Variants in CCDC14 observed in about 807,000 individuals in gnomAD.
CCDC14 encodes the protein coiled-coil domain containing 14.
A neutral mutation model predicts 81.4 loss-of-function variants in CCDC14; 71 were observed. That is an observed-to-expected ratio of 0.87 (90% CI 0.72 to 1.06). The LOEUF is 1.06. Ranked by LOEUF, CCDC14 falls within the 50% of genes least tolerant of loss-of-function variation. CCDC14 has a pLI of 0.00. For missense variants in CCDC14, 1,046 were observed against 1,047.3 expected (o/e 1.00, Z 0.02); for synonymous variants, 332 against 364.8 (o/e 0.91, Z 1.03).
At chr3:123,934,912 T>C (rs2035973119) in intron 9 of CCDC14, among the ~76,000 whole-genome samples, 1 of 152,312 alleles carries the variant, frequency 6.6e-6, no homozygotes, top group African/African-American at 2.4e-5. Flanking sequence ...CTACATAATC[T>C]TGAAGTCGGG....
At chr3:123,925,406 T>A (rs1221883623) in intron 12 of CCDC14, among the ~76,000 whole-genome samples, 1 of 151,970 alleles carries the variant, frequency 6.6e-6, no homozygotes, top group East Asian at 1.9e-4. Flanking sequence ...ATAGAAGGAA[T>A]AAGTTTGTGG....
At chr3:123,948,632 C>G in intron 7 of CCDC14, 59 bp downstream of exon 7, 2 of 1,188,606 alleles carry the variant, frequency 1.7e-6, no homozygotes, top group Non-Finnish European at 2.4e-6. Context: ...TTCAACAGTC[C>G]CTCCTGAATG....
At chr3:123,947,349 A>C in intron 7 of CCDC14, 30 bp from the exon 8 acceptor site, 1 of 1,543,606 alleles carries the variant, frequency 6.5e-7, no homozygotes, top group Non-Finnish European at 8.8e-7. Flanking sequence ...AGTCTTCAGA[A>C]GTATGAGCAC....
At chr3:123,960,041 G>T (rs190153369) in intron 1 of CCDC14, among the ~76,000 whole-genome samples, 140 of 152,194 alleles carry the variant, frequency 9.2e-4, no homozygotes, top group African/African-American at 3.1e-3. Flanking sequence ...TTGGTGAAAG[G>T]TTATTAGCAA....
chr3:123,895,813 G>C (rs749449117), downstream of CCDC14, among the ~76,000 whole-genome samples: 3 of 152,222 alleles, frequency 2.0e-5, no homozygotes, highest in Non-Finnish European at 4.4e-5. Context: ...CTTATACACT[G>C]TTGGTGGGAA....
chr3:123,960,126 T>G (rs1456758881), intron 1 of CCDC14, among the ~76,000 whole-genome samples: 1 of 152,166 alleles, frequency 6.6e-6, no homozygotes, highest in Non-Finnish European at 1.5e-5. Flanking sequence ...GGAGAATCAG[T>G]TTGCTTTATT....
Position 123,914,492 on chromosome 3 carries a change from T to C in CCDC14, c.*287A>G, listed in dbSNP as rs1577216062. The C allele has an allele frequency of 3.8e-6, 4 of 1,041,532 alleles. No homozygotes were observed. Among genetic ancestry groups the C allele is most frequent in the Non-Finnish European group, 4.6e-6 (4 of 866,686 alleles). 64.5% of individuals were successfully genotyped at this position (1,041,532 alleles called of 1,614,324 possible). ...CAACCTGTACCCTTAATCCAGCAGA[T>C]ACATCTTAATAAAAGAACTCTAATT... On this transcript the variant is annotated 3_prime_UTR_variant, in exon 13 of 13. Transcript: ENST00000409697.
chr3:123,898,378 A>T (rs1414762036), intron 5 of CCDC14, among the ~76,000 whole-genome samples: 2 of 152,230 alleles, frequency 1.3e-5, no homozygotes, highest in East Asian at 3.9e-4. Context: ...TAATCGTGCC[A>T]TGCCAAACTC....
intron 12 of CCDC14, among the ~76,000 whole-genome samples, chr3:123,926,632 TG>T (rs1354639615): frequency 1.3e-5 from 2 of 148,816 alleles, no homozygotes; most frequent in Non-Finnish European, 3.0e-5. Context: ...CACATTTTAA[TG>T]GTTTTATAAC....
chr3:123,906,430 GA>G lies in CCDC14; in HGVS notation c.668-8818del, dbSNP rs146524573. ...AAGAGTTAAGAATAGACAAAGAAAT[GA>G]AAAAAAAAAGGAGACATGAAAGTTT... is the stretch of plus-strand genomic sequence containing the variant. On this transcript the variant is annotated intron_variant, in intron 5 of 5. Transcript: ENST00000479903. Among the ~76,000 whole-genome samples, 503 of 140,856 alleles carry G rather than the reference GA, an allele frequency of 3.6e-3. 2 individuals carry two copies. The highest frequency in any genetic ancestry group is 0.012 in the African/African-American group (458 of 38,922). The allele number at this position is 140,856 out of a possible 152,430, so 92.4% of individuals were successfully genotyped here.
intron 5 of CCDC14, among the ~76,000 whole-genome samples, chr3:123,903,799 C>T (rs949604260): frequency 4.5e-5 from 4 of 89,058 alleles, no homozygotes; most frequent in South Asian, 3.2e-4. Context: ...AATGTAGGTC[C>T]GGAGTAAAAA....
intron 5 of CCDC14, among the ~76,000 whole-genome samples, chr3:123,903,357 A>T (rs2034221015): frequency 6.6e-6 from 1 of 151,394 alleles, no homozygotes; most frequent in African/African-American, 2.4e-5. Flanking sequence ...AAGCCACAGC[A>T]TCTATTGCTT....
At chr3:123,953,014 T>C (rs1159199100) in intron 5 of CCDC14, 1 of 164,338 alleles carries the variant, frequency 6.1e-6, no homozygotes, top group South Asian at 1.6e-4. Context: ...AATAAGAATA[T>C]TGCACCCTGA....
chr3:123,886,346 CTTTT>C, the CCDC14 span, among the ~76,000 whole-genome samples: 2 of 150,138 alleles, frequency 1.3e-5, no homozygotes, highest in African/African-American at 4.9e-5. Flanking sequence ...TTCTCTCTCT[CTTTT>C]TCTTTCTTTT....
At chr3:123,934,270 C>CAAAA (rs61094944) in intron 9 of CCDC14, among the ~76,000 whole-genome samples, 2,745 of 51,732 alleles carry the variant, frequency 0.053, 305 homozygotes, top group African/African-American at 0.13. Context: ...GACTCTGCCT[C>CAAAA]AAAAAAAAAA....
At chr3:123,940,963 A>C (rs58663269) in intron 9 of CCDC14, among the ~76,000 whole-genome samples, 34,399 of 151,988 alleles carry the variant, frequency 0.23, 8,618 homozygotes, top group East Asian at 0.78. Flanking sequence ...AATTATGCTA[A>C]CATTTGTTAA....
At position 123,913,513 on chromosome 3, in the gene CCDC14, T is replaced by C; in HGVS notation, c.*1266A>G. The C allele has an allele frequency of 1.0e-6, 1 of 980,508 alleles. No homozygotes were observed. The highest frequency in any genetic ancestry group is 1.2e-6 in the Non-Finnish European group (1 of 825,590). The allele number at this position is 980,508 out of a possible 1,614,324, so 60.7% of individuals were successfully genotyped here. On this transcript the variant is annotated 3_prime_UTR_variant, in exon 13 of 13. Coordinates refer to ENST00000409697, the MANE Select transcript of CCDC14 (RefSeq NM_001366335.1). ...CCAAATAAGATGCCAATAAATTAAT[T>C]CATGAATACTAAATAAAATTAAAGA...
chr3:123,898,143 T>C (rs2034107459), intron 5 of CCDC14, among the ~76,000 whole-genome samples: 2 of 152,212 alleles, frequency 1.3e-5, no homozygotes, highest in African/African-American at 4.8e-5. Flanking sequence ...AGCTTTCTTA[T>C]TAACTAGCTA....
At chr3:123,952,608 C>T in intron 5 of CCDC14, 2 of 531,084 alleles carry the variant, frequency 3.8e-6, no homozygotes, top group Non-Finnish European at 7.8e-6. Context: ...ACTCCATAGG[C>T]ATTCAGTGAT....
Sources: allele counts gnomAD v4.1 joint callset (sites outside exome capture counted in the v4.1 genomes callset), GRCh38; gene constraint gnomAD v4.1.1; transcripts MANE v1.5; gene names NCBI Gene and HGNC (gene_info 2026-07-23, HGNC 2026-07-21).